The following TLN2 variants were observed in gnomAD, a reference collection of about 807,000 sequenced individuals.
TLN2 encodes the protein talin 2.
TLN2 carries 118 observed loss-of-function variants against 294.7 expected under a neutral mutation model. The ratio of observed to expected loss-of-function variants is 0.40; its 90% confidence interval spans 0.34 to 0.47. The LOEUF is 0.47. Ranked by LOEUF, TLN2 falls within the 20% of genes least tolerant of loss-of-function variation. TLN2 has a pLI of 0.84. For missense variants in TLN2, 3,083 were observed against 3,282.2 expected, an observed-to-expected ratio of 0.94 and a Z score of 1.48; for synonymous variants, 1,431 against 1,304.5, an observed-to-expected ratio of 1.10 and a Z score of -2.09.
intron 7 of TLN2, among the ~76,000 whole-genome samples, chr15:62,654,754 CAAAAAAA>C (rs59006343): frequency 2.1e-4 from 7 of 33,854 alleles, no homozygotes; most frequent in South Asian, 1.6e-3. Flanking sequence ...GACTCTGCCT[CAAAAAAA>C]AAAAAAAAAA....
At chr15:62,437,128 A>G (rs528871127) in intron 1 of TLN2, among the ~76,000 whole-genome samples, 3 of 152,188 alleles carry the variant, frequency 2.0e-5, no homozygotes, top group East Asian at 3.9e-4. Context: ...GCTTTCTTTC[A>G]TTTGCACAGT....
chr15:62,701,029 A>C (rs2058686804), intron 16 of TLN2, 77 bp from the exon 17 acceptor site: 1 of 1,318,750 alleles, frequency 7.6e-7, no homozygotes, highest in African/African-American at 1.5e-5. Flanking sequence ...TGCTGGTGTG[A>C]TTTTATGGCG....
rs71129015 is a variant in TLN2, at chr15:62,596,264, C to CAAAA, written c.-162+6515_-162+6518dup. 5.1e-3 allele frequency among the ~76,000 whole-genome samples: 419 copies of CAAAA among 81,664 alleles called. 9 individuals are homozygous for CAAAA. The highest frequency in any genetic ancestry group is 0.018 in the African/African-American group (389 of 22,220). The allele number at this position is 81,664 out of a possible 152,430, so 53.6% of individuals were successfully genotyped here. A position where few individuals can be genotyped will look rare whatever the true frequency, so the allele number is the denominator to read the frequency against. On this transcript the variant is annotated intron_variant, in intron 2 of 58. Coordinates refer to ENST00000636159, the MANE Select transcript of TLN2 (RefSeq NM_015059.3). ...TGGGCGACAGAGCAAGACTCCATCT[C>CAAAA]AAAAAAAAAAAAAAAAGGTATTCTT...
intron 54 of TLN2, among the ~76,000 whole-genome samples, chr15:62,822,478 C>T (rs1179220275): frequency 6.6e-6 from 1 of 152,232 alleles, no homozygotes; most frequent in East Asian, 1.9e-4. Context: ...GGGAGTCACT[C>T]ATCTGATCCT....
At chr15:62,429,016 A>G (rs11635879) in intron 1 of TLN2, among the ~76,000 whole-genome samples, 75,020 of 151,104 alleles carry the variant, frequency 0.5, 19,110 homozygotes, top group Middle Eastern at 0.67. Flanking sequence ...TGGGGGAGAC[A>G]GATATCATCA....
intron 1 of TLN2, among the ~76,000 whole-genome samples, chr15:62,440,448 C>T (rs910758364): frequency 9.9e-5 from 15 of 152,172 alleles, no homozygotes; most frequent in Non-Finnish European, 1.3e-4. Context: ...GGCAAGAGCA[C>T]GGTCCTGGCT....
intron 4 of TLN2, among the ~76,000 whole-genome samples, chr15:62,648,994 C>A (rs1278790280): frequency 1.3e-5 from 2 of 152,074 alleles, no homozygotes; most frequent in Non-Finnish European, 2.9e-5. Flanking sequence ...TACAGGTGCA[C>A]ACGCCACCAC....
chr15:62,487,385 T>C (rs1271286888), intron 1 of TLN2, among the ~76,000 whole-genome samples: 3 of 152,228 alleles, frequency 2.0e-5, no homozygotes, highest in Non-Finnish European at 4.4e-5. Flanking sequence ...TGGATGTTTT[T>C]AGTTTGATTA....
At chr15:62,593,993 G>C (rs1418940166) in intron 2 of TLN2, among the ~76,000 whole-genome samples, 1 of 152,098 alleles carries the variant, frequency 6.6e-6, no homozygotes, top group Non-Finnish European at 1.5e-5. Context: ...AGAAACATCT[G>C]TATGAAACCA....
intron 1 of TLN2, among the ~76,000 whole-genome samples, chr15:62,476,769 C>T (rs1030902294): frequency 2.6e-5 from 4 of 152,186 alleles, no homozygotes; most frequent in African/African-American, 7.2e-5. Context: ...AGAAAGCACC[C>T]GCTTTATGGT....
At chr15:62,496,654 C>T (rs899722563) in intron 1 of TLN2, among the ~76,000 whole-genome samples, 7 of 152,166 alleles carry the variant, frequency 4.6e-5, no homozygotes, top group Admixed American at 2.0e-4. Context: ...CTGATTGTTC[C>T]CGGAAATGGA....
chr15:62,502,825 C>T (rs745326179), intron 1 of TLN2, among the ~76,000 whole-genome samples: 1 of 152,192 alleles, frequency 6.6e-6, no homozygotes, highest in Non-Finnish European at 1.5e-5. Flanking sequence ...TTGGGCTTCT[C>T]TGTTTTCCTA....
At chr15:62,680,467 G>A (rs2056718785) in intron 11 of TLN2, among the ~76,000 whole-genome samples, 1 of 151,762 alleles carries the variant, frequency 6.6e-6, no homozygotes, top group African/African-American at 2.4e-5. Flanking sequence ...TCAACCATGT[G>A]AAATAAGCCC....
intron 1 of TLN2, among the ~76,000 whole-genome samples, chr15:62,587,505 T>C (rs1381336974): frequency 6.6e-6 from 1 of 152,252 alleles, no homozygotes; most frequent in Non-Finnish European, 1.5e-5. Context: ...CTCAGAAGTA[T>C]ATAATGGATA....
chr15:62,640,084 G>A (rs2050839904), intron 3 of TLN2: 2 of 447,928 alleles, frequency 4.5e-6, no homozygotes, highest in Admixed American at 4.7e-5. Context: ...GCCGAGCGAG[G>A]TGGAGGGCAA....
chr15:62,714,040 C>G (rs1035894087), intron 22 of TLN2, among the ~76,000 whole-genome samples: 7 of 151,162 alleles, frequency 4.6e-5, no homozygotes, highest in African/African-American at 1.7e-4. Flanking sequence ...TTGAGGCAAT[C>G]TTATGTTCAT....
intron 15 of TLN2, among the ~76,000 whole-genome samples, 191 bp downstream of exon 15, chr15:62,698,059 C>G (rs2058475574): frequency 1.3e-5 from 2 of 152,218 alleles, no homozygotes; most frequent in African/African-American, 4.8e-5. Context: ...GAGGTGTCCT[C>G]TGTGACTGGA....
At chr15:62,513,873 G>A (rs1406867724) in intron 1 of TLN2, among the ~76,000 whole-genome samples, 1 of 152,214 alleles carries the variant, frequency 6.6e-6, no homozygotes, top group Non-Finnish European at 1.5e-5. Context: ...AAAGCCTGTA[G>A]CCTTGTGTGT....
intron 41 of TLN2, among the ~76,000 whole-genome samples, chr15:62,770,354 A>G (rs1024804661): frequency 3.3e-5 from 5 of 152,258 alleles, no homozygotes; most frequent in African/African-American, 9.6e-5. Flanking sequence ...TATGCATGGC[A>G]GTGCCCTCCT....
Sources: allele counts gnomAD v4.1 joint callset (sites outside exome capture counted in the v4.1 genomes callset), GRCh38; gene constraint gnomAD v4.1.1; transcripts MANE v1.5; gene names NCBI Gene and HGNC (gene_info 2026-07-23, HGNC 2026-07-21).